The following ATL3 variants were observed in gnomAD, a reference collection of about 807,000 sequenced individuals.
ATL3 encodes the protein atlastin GTPase 3.
In ATL3, 49 loss-of-function variants were observed where a neutral mutation model predicts 69.5. The observed-to-expected ratio is 0.71, with a 90% CI of 0.56 to 0.89. ATL3 has a LOEUF of 0.89. Ranked by LOEUF, ATL3 falls within the 40% of genes least tolerant of loss-of-function variation. The pLI is 0.00. For synonymous variants in ATL3, 214 were observed against 224.1 expected (o/e 0.95, Z 0.40); for missense variants, 606 against 645.7 (o/e 0.94, Z 0.67).
At chr11:63,640,498 C>T (rs1358650298) in intron 8 of ATL3, among the ~76,000 whole-genome samples, 3 of 150,532 alleles carry the variant, frequency 2.0e-5, no homozygotes, top group African/African-American at 4.9e-5. Context: ...CCTATGTTGC[C>T]GAGGCTGAGA....
At chr11:63,653,897 T>C (rs1484577661) in intron 3 of ATL3, among the ~76,000 whole-genome samples, 1 of 152,170 alleles carries the variant, frequency 6.6e-6, no homozygotes, top group Non-Finnish European at 1.5e-5. Context: ...CTATTCCGTA[T>C]GATACAGTAA....
At chr11:63,669,306 A>G (rs1459669746) in intron 1 of ATL3, among the ~76,000 whole-genome samples, 1 of 151,856 alleles carries the variant, frequency 6.6e-6, no homozygotes, top group African/African-American at 2.4e-5. Context: ...AGGCCGAGCT[A>G]GGAGGATCAC....
intron 1 of ATL3, among the ~76,000 whole-genome samples, chr11:63,665,347 A>AC (rs1940544145): frequency 6.7e-5 from 8 of 118,940 alleles, no homozygotes; most frequent in Admixed American, 6.2e-4. Flanking sequence ...CTCCATCTCA[A>AC]AAAAAAAAAA....
At chr11:63,661,423 C>T (rs1227241975) in intron 1 of ATL3, among the ~76,000 whole-genome samples, 1 of 152,010 alleles carries the variant, frequency 6.6e-6, no homozygotes, top group African/African-American at 2.4e-5. Flanking sequence ...CCAGAGTTTC[C>T]CTACCAAAGC....
At chr11:63,669,017 G>GC (rs1433184043) in intron 1 of ATL3, among the ~76,000 whole-genome samples, 5 of 141,532 alleles carry the variant, frequency 3.5e-5, no homozygotes, top group Non-Finnish European at 7.8e-5. Flanking sequence ...TTTTGGGTGG[G>GC]GGGGGGCGTC....
Position 63,651,405 on chromosome 11 carries a change from T to TA in ATL3, c.561+530dup, listed in dbSNP as rs879686827. Among the ~76,000 whole-genome samples, 496 of 136,916 alleles carry TA rather than the reference T, an allele frequency of 3.6e-3. 2 individuals carry two copies. The highest frequency in any genetic ancestry group is 0.011 in the East Asian group (54 of 4,816). The allele number at this position is 136,916 out of a possible 152,430, so 89.8% of individuals were successfully genotyped here. Reference sequence around the variant, plus strand: ...TGGGGACAAGAGCAAGACTTCGTCTTAAAAAAAAAAAAAAAGTCTATTCTG... The same window carrying TA: ...TGGGGACAAGAGCAAGACTTCGTCTTAAAAAAAAAAAAAAAAGTCTATTCTG... On this transcript the variant is annotated intron_variant, in intron 5 of 12. Transcript: ENST00000398868.
At chr11:63,633,234 T>A in intron 10 of ATL3, 137 bp from the exon 11 acceptor site, 1 of 679,532 alleles carries the variant, frequency 1.5e-6, no homozygotes, top group South Asian at 2.2e-5. Context: ...TCCATATAGT[T>A]CAACTGATGA....
intron 5 of ATL3, among the ~76,000 whole-genome samples, chr11:63,647,900 CA>C: frequency 6.6e-6 from 1 of 152,266 alleles, no homozygotes; most frequent in Admixed American, 6.5e-5. Flanking sequence ...CTGGAAGAGA[CA>C]GGGGCCAACA....
chr11:63,671,589 A>C, upstream of ATL3: 1 of 1,422,806 alleles, frequency 7.0e-7, no homozygotes. Flanking sequence ...ACGCGGCAGA[A>C]TCCCGCCACC....
At position 63,643,423 on chromosome 11, in the gene ATL3, A is replaced by G. The variant is rs1257314192; in HGVS notation, c.784T>C (p.Cys262Arg). 1 of 1,612,716 alleles carries G rather than the reference A, an allele frequency of 6.2e-7. No individual in the cohort carries two copies. Among genetic ancestry groups the G allele is most frequent in the South Asian group, 1.1e-5 (1 of 90,648 alleles). Reference protein sequence around the residue: ...HIHSCFSDVTCFLLPHPGLQV... With the variant: ...HIHSCFSDVTRFLLPHPGLQV... ...AGTCCTGGATGTGGTAAGAGAAAGC[A>G]GGTGACATCGGAGAAACATGAGTGA... The change falls in exon 8 of 13, where the codon TGC (cysteine) becomes CGC (arginine). Residue 262 changes from cysteine to arginine, a missense_variant. Coordinates refer to ENST00000398868, the MANE Select transcript of ATL3 (RefSeq NM_015459.5).
intron 5 of ATL3, among the ~76,000 whole-genome samples, chr11:63,646,784 T>C (rs550561339): frequency 6.6e-6 from 1 of 152,320 alleles, no homozygotes; most frequent in Admixed American, 6.5e-5. Flanking sequence ...ACTATTTCCA[T>C]GTGGCTTGGA....
At chr11:63,667,612 A>C (rs1940615183) in intron 1 of ATL3, among the ~76,000 whole-genome samples, 1 of 152,008 alleles carries the variant, frequency 6.6e-6, no homozygotes, top group African/African-American at 2.4e-5. Context: ...AAATTCAAAA[A>C]AATTGGCCAG....
At position 63,658,993 on chromosome 11, in the gene ATL3, A is replaced by G. The variant is rs199627906; in HGVS notation, c.261+45T>C. The G allele has an allele frequency of 2.1e-4, 330 of 1,606,918 alleles. 3 individuals carry two copies. The South Asian group carries it at 2.3e-3, about 11-fold the overall frequency. ...ATGAGCTTATTTCGCTTTTTTGGAC[A>G]TTAAAGTCTCACTTTTTACTTGAAA... On this transcript the variant is annotated intron_variant, in intron 2 of 12. Transcript: ENST00000398868.
chr11:63,636,142 T>C, intron 9 of ATL3, 65 bp downstream of exon 9: 3 of 1,559,284 alleles, frequency 1.9e-6, no homozygotes, highest in Non-Finnish European at 2.6e-6. Context: ...AAATTCAAGT[T>C]GATTTACGAG....
chr11:63,633,644 A>G (rs539841342), intron 10 of ATL3, among the ~76,000 whole-genome samples: 1 of 151,328 alleles, frequency 6.6e-6, no homozygotes, highest in African/African-American at 2.4e-5. Context: ...TCAGCCTCCC[A>G]AAGTGCTGGG....
upstream of ATL3, chr11:63,671,409 G>A (rs747929389): frequency 2.0e-5 from 30 of 1,521,310 alleles, no homozygotes; most frequent in African/African-American, 2.6e-4. Flanking sequence ...AACGAACCGG[G>A]CCCTGGAAGC....
chr11:63,629,109 G>C lies in ATL3; in HGVS notation c.*210C>G, dbSNP rs1277535066. 4 of 554,444 alleles carry C rather than the reference G, an allele frequency of 7.2e-6. No homozygotes were observed. In the African/African-American group the frequency reaches 7.5e-5, roughly 10 times the overall value. The allele number at this position is 554,444 out of a possible 1,614,324, so 34.3% of individuals were successfully genotyped here. A position where few individuals can be genotyped will look rare whatever the true frequency, so the allele number is the denominator to read the frequency against. On this transcript the variant is annotated 3_prime_UTR_variant, in exon 13 of 13. Transcript: ENST00000398868. ...CACAGGCTTGCATCTATAACAGCAA[G>C]GAAAAGAAATGCTTCCAAGAGAAAT...
In ATL3 at chr11:63,626,861, TGA is replaced by T. The variant is rs1289843767; in HGVS notation, c.*2456_*2457del. The T allele has an allele frequency of 1.3e-5, 2 of 151,970 alleles. No homozygotes were observed. Among genetic ancestry groups the T allele is most frequent in the Non-Finnish European group, 2.9e-5 (2 of 68,018 alleles). The allele number at this position is 151,970 out of a possible 1,614,324, so 9.4% of individuals were successfully genotyped here. On this transcript the variant is annotated 3_prime_UTR_variant, in exon 13 of 13. Coordinates refer to ENST00000398868, the MANE Select transcript of ATL3 (RefSeq NM_015459.5). The stretch of plus-strand genomic sequence containing the variant: ...TGATATAAAATCATCAATTTACTGT[TGA>T]GAGAAAAGAGGCCAAAGAAAACTCT...
chr11:63,666,051 G>C (rs1403947146), intron 1 of ATL3, among the ~76,000 whole-genome samples: 3 of 152,024 alleles, frequency 2.0e-5, no homozygotes, highest in Non-Finnish European at 4.4e-5. Context: ...TGCAATCATG[G>C]TTCACTGCAG....
Sources: gnomAD v4.1 joint callset for allele counts (sites outside exome capture counted in the v4.1 genomes callset) on GRCh38, gnomAD v4.1.1 for gene constraint, MANE v1.5 for transcripts, NCBI Gene and HGNC (gene_info 2026-07-23, HGNC 2026-07-21) for gene names.